Variants in MTNR1A observed in about 807,000 individuals in gnomAD.
MTNR1A encodes melatonin receptor 1A, also known as melatonin receptor type 1A.
Under a neutral mutation model 5.5 loss-of-function variants are expected in MTNR1A, and 7 were observed. The ratio of observed to expected loss-of-function variants is 1.28; its 90% CI spans 0.73 to 2.40. The LOEUF (loss-of-function observed/expected upper bound fraction) is 2.40. Among genes scored for constraint, MTNR1A ranks in the 30% most tolerant of loss-of-function variants. The pLI is 0.00. For synonymous variants in MTNR1A, 196 were observed against 202.7 expected, an observed-to-expected ratio of 0.97 and a Z score of 0.28; for missense variants, 441 against 464.4, an observed-to-expected ratio of 0.95 and a Z score of 0.46.
intron 1 of MTNR1A, among the ~76,000 whole-genome samples, chr4:186,536,575 C>T (rs1245060531): frequency 6.6e-6 from 1 of 152,042 alleles, no homozygotes; most frequent in Non-Finnish European, 1.5e-5. Flanking sequence ...ATATTTGCGT[C>T]CTAGACCACA....
At chr4:186,548,093 C>T (rs1407014745) in intron 1 of MTNR1A, among the ~76,000 whole-genome samples, 1 of 151,874 alleles carries the variant, frequency 6.6e-6, no homozygotes, top group Non-Finnish European at 1.5e-5. Context: ...AATCCTTCAG[C>T]GACATTAACA....
At chr4:186,540,757 T>TGAAGGACCAGGTGCTGTCTGACTGAAG (rs1736998651) in intron 1 of MTNR1A, among the ~76,000 whole-genome samples, 3 of 133,990 alleles carry the variant, frequency 2.2e-5, no homozygotes, top group African/African-American at 3.0e-5. Flanking sequence ...GCTGTCTGTC[T>TGAAGGACCAGGTGCTGTCTGACTGAAG]GAAGGACCAG....
chr4:186,554,156 G>A (rs1024918460), intron 1 of MTNR1A, among the ~76,000 whole-genome samples: 2 of 148,232 alleles, frequency 1.3e-5, no homozygotes, highest in African/African-American at 4.9e-5. Context: ...TCAATTTACT[G>A]ACTCAAACTC....
chr4:186,534,966 G>C (rs6553009), intron 1 of MTNR1A, among the ~76,000 whole-genome samples: 140,044 of 152,240 alleles, frequency 0.92, 64,568 homozygotes, highest in East Asian at 1. Flanking sequence ...CCTCTGTAGT[G>C]CTTCAGCAGC....
At chr4:186,538,037 C>G (rs1043481347) in intron 1 of MTNR1A, among the ~76,000 whole-genome samples, 1 of 152,192 alleles carries the variant, frequency 6.6e-6, no homozygotes, top group African/African-American at 2.4e-5. Flanking sequence ...AATAAGGTAA[C>G]AGACAACTAA....
intron 1 of MTNR1A, among the ~76,000 whole-genome samples, chr4:186,535,688 G>A (rs1433357446): frequency 6.6e-6 from 1 of 152,216 alleles, no homozygotes; most frequent in Non-Finnish European, 1.5e-5. Flanking sequence ...TGGGATGGCA[G>A]GTGTGAGCCA....
At chr4:186,534,952 A>G (rs2111365383) in intron 1 of MTNR1A, among the ~76,000 whole-genome samples, 1 of 152,306 alleles carries the variant, frequency 6.6e-6, no homozygotes, top group South Asian at 2.1e-4. Context: ...TCAAGTCTTC[A>G]TTCCCTCTGT....
At chr4:186,548,321 A>G (rs985017222) in intron 1 of MTNR1A, among the ~76,000 whole-genome samples, 2 of 152,226 alleles carry the variant, frequency 1.3e-5, no homozygotes, top group Non-Finnish European at 2.9e-5. Context: ...AGTTAAATCA[A>G]TGACAGGAAA....
At chr4:186,549,642 A>G (rs13110929) in intron 1 of MTNR1A, among the ~76,000 whole-genome samples, 131,152 of 152,212 alleles carry the variant, frequency 0.86, 57,177 homozygotes, top group East Asian at 0.93. Flanking sequence ...ATATGCTCCT[A>G]TTTTCATACT....
chr4:186,540,031 G>A lies in MTNR1A; in HGVS notation c.185-5474C>T, dbSNP rs543793431. ...TGGCTGGGGAAGCCTCACAATCATGGTGGAAGGCAAAGAAGAGCAAGTCAC... is the reference window on the plus strand; with the variant it reads ...TGGCTGGGGAAGCCTCACAATCATGATGGAAGGCAAAGAAGAGCAAGTCAC... On this transcript the variant is annotated intron_variant, in intron 1 of 1. Transcript: ENST00000307161. Among the ~76,000 whole-genome samples, 101 of 152,310 alleles carry A rather than the reference G, an allele frequency of 6.6e-4. 2 individuals are homozygous for A. The highest frequency in any genetic ancestry group is 2.4e-3 in the African/African-American group (99 of 41,562).
At chr4:186,539,496 G>A (rs955613069) in intron 1 of MTNR1A, among the ~76,000 whole-genome samples, 3 of 152,112 alleles carry the variant, frequency 2.0e-5, no homozygotes, top group Non-Finnish European at 2.9e-5. Context: ...ACACTTAATC[G>A]CCAATGTGAT....
intron 1 of MTNR1A, among the ~76,000 whole-genome samples, chr4:186,553,317 T>G (rs568460430): frequency 6.6e-6 from 1 of 152,286 alleles, no homozygotes; most frequent in South Asian, 2.1e-4. Flanking sequence ...AAAAAATCCC[T>G]ATTAGAAAAA....
chr4:186,542,778 G>A (rs1332341796), intron 1 of MTNR1A, among the ~76,000 whole-genome samples: 2 of 152,148 alleles, frequency 1.3e-5, no homozygotes, highest in East Asian at 3.9e-4. Context: ...TCCCAAGGGA[G>A]CAATGCTTCC....
intron 1 of MTNR1A, 78 bp from the exon 2 acceptor site, chr4:186,534,635 C>A: frequency 6.5e-7 from 1 of 1,546,650 alleles, no homozygotes; most frequent in South Asian, 1.1e-5. Context: ...AAAGAAGGAG[C>A]TGCTTCTGCA....
chr4:186,536,783 T>C (rs1206521283), intron 1 of MTNR1A, among the ~76,000 whole-genome samples: 2 of 152,240 alleles, frequency 1.3e-5, no homozygotes, highest in African/African-American at 4.8e-5. Flanking sequence ...AAATTAAAGT[T>C]ACAAAGGCAA....
intron 1 of MTNR1A, among the ~76,000 whole-genome samples, chr4:186,553,638 A>G (rs183732339): frequency 1.3e-5 from 2 of 152,140 alleles, no homozygotes; most frequent in East Asian, 3.9e-4. Flanking sequence ...CAGGCTTCCA[A>G]GTAGTTGGGA....
At chr4:186,535,703 T>C (rs1215943498) in intron 1 of MTNR1A, among the ~76,000 whole-genome samples, 2 of 152,172 alleles carry the variant, frequency 1.3e-5, no homozygotes, top group Admixed American at 1.3e-4. Flanking sequence ...GAGCCATTGC[T>C]CCCAGCTACA....
intron 1 of MTNR1A, among the ~76,000 whole-genome samples, chr4:186,546,212 C>T (rs555667224): frequency 4.8e-4 from 73 of 152,200 alleles, no homozygotes; most frequent in African/African-American, 1.7e-3. Flanking sequence ...TGATGGAAAC[C>T]ACACGTCTTG....
chr4:186,539,213 TAAAA>T (rs59170135), intron 1 of MTNR1A, among the ~76,000 whole-genome samples: 73,576 of 115,388 alleles, frequency 0.64, 22,794 homozygotes, highest in Middle Eastern at 0.71. Flanking sequence ...AAGACTCCAT[TAAAA>T]AAAAAAAAAA....
Sources: allele counts gnomAD v4.1 joint callset (sites outside exome capture counted in the v4.1 genomes callset), GRCh38; gene constraint gnomAD v4.1.1; transcripts MANE v1.5; gene names NCBI Gene and HGNC (gene_info 2026-07-23, HGNC 2026-07-21).